The following LRRC69 variants were observed in gnomAD, a reference collection of about 807,000 sequenced individuals.
LRRC69 encodes the protein leucine-rich repeat-containing protein 69.
LRRC69 carries 42 observed loss-of-function variants against 37.8 expected under a neutral mutation model. The ratio of observed to expected loss-of-function variants is 1.11; its 90% CI spans 0.87 to 1.44. The LOEUF is 1.44. Among genes scored for constraint, LRRC69 ranks in the 40% most tolerant of loss-of-function variants. The probability of loss-of-function intolerance (pLI) is 0.00; values close to 1 mark genes in which losing one functional copy is unlikely to be tolerated. For synonymous variants in LRRC69, 141 were observed against 143.1 expected, an observed-to-expected ratio of 0.99 and a Z score of 0.11; for missense variants, 357 against 401.9, an observed-to-expected ratio of 0.89 and a Z score of 0.96.
At chr8:91,150,020 T>C (rs930302729) in intron 5 of LRRC69, among the ~76,000 whole-genome samples, 10 of 152,024 alleles carry the variant, frequency 6.6e-5, no homozygotes, top group Admixed American at 2.6e-4. Context: ...TATAATCATG[T>C]CATCTGCAAA....
chr8:91,132,972 G>A lies in LRRC69; in HGVS notation c.384-138G>A, dbSNP rs576931849. On this transcript the variant is annotated intron_variant, in intron 3 of 7. Coordinates refer to ENST00000448384, the Ensembl canonical transcript of LRRC69. ...TTTTATACTCATGATCACAATAGTTGTAAACACTTGACTGAAGTAAGCTCA... is the reference window on the plus strand; with the variant it reads ...TTTTATACTCATGATCACAATAGTTATAAACACTTGACTGAAGTAAGCTCA... 113 of 539,480 alleles carry A rather than the reference G, an allele frequency of 2.1e-4. No homozygotes were observed. The African/African-American group carries it at 2.1e-3, about 10-fold the overall frequency. The allele number at this position is 539,480 out of a possible 1,614,324, so 33.4% of individuals were successfully genotyped here.
rs865881051 is a variant in LRRC69, at chr8:91,157,331, A to G, written c.651+21592A>G. ...GTGGCACCCACAGAAACATTCACCT[A>G]TGAATGGACTGTCCCCAAAGAAGTA... On this transcript the variant is annotated intron_variant, in intron 5 of 7. Coordinates refer to ENST00000448384, the Ensembl canonical transcript of LRRC69. The G allele has an allele frequency of 1.4e-5, 22 of 1,608,472 alleles. No homozygotes were observed. The African/African-American group carries it at 2.1e-4, about 16-fold the overall frequency.
At chr8:91,192,725 C>A (rs1809521946) in intron 6 of LRRC69, among the ~76,000 whole-genome samples, 1 of 151,696 alleles carries the variant, frequency 6.6e-6, no homozygotes, top group African/African-American at 2.4e-5. Flanking sequence ...TGTTTGAGTT[C>A]TTTGTAGATT....
chr8:91,147,277 A>T (rs75360169), intron 5 of LRRC69, among the ~76,000 whole-genome samples: 1 of 130,924 alleles, frequency 7.6e-6, no homozygotes. Context: ...AACATATATT[A>T]TATATAAACA....
intron 5 of LRRC69, among the ~76,000 whole-genome samples, chr8:91,150,510 C>CGTCAA (rs1416628337): frequency 6.6e-6 from 1 of 151,874 alleles, no homozygotes; most frequent in African/African-American, 2.4e-5. Context: ...AGGATTTTTG[C>CGTCAA]GTCAATGTTC....
At chr8:91,158,744 G>A (rs1488678223) in intron 5 of LRRC69, 3 of 913,622 alleles carry the variant, frequency 3.3e-6, no homozygotes, top group South Asian at 1.3e-5. Flanking sequence ...AAGACACCAA[G>A]TCTGGCTGAA....
intron 7 of LRRC69, among the ~76,000 whole-genome samples, chr8:91,217,944 G>A (rs1487570436): frequency 1.3e-5 from 2 of 152,140 alleles, no homozygotes; most frequent in African/African-American, 4.8e-5. Flanking sequence ...AAGGGGATGT[G>A]ACTTATGACT....
intron 3 of LRRC69, among the ~76,000 whole-genome samples, chr8:91,131,476 C>G (rs1398497708): frequency 6.6e-6 from 1 of 151,858 alleles, no homozygotes; most frequent in Non-Finnish European, 1.5e-5. Flanking sequence ...CAATATTTTG[C>G]TTTTCTATAC....
intron 5 of LRRC69, among the ~76,000 whole-genome samples, chr8:91,158,954 ATGAC>A (rs1029316343): frequency 6.6e-6 from 1 of 151,252 alleles, no homozygotes; most frequent in African/African-American, 2.4e-5. Flanking sequence ...ATAATGATAC[ATGAC>A]TGACACTTGT....
At chr8:91,199,163 C>T (rs1809671408) in intron 6 of LRRC69, among the ~76,000 whole-genome samples, 1 of 152,156 alleles carries the variant, frequency 6.6e-6, no homozygotes, top group Non-Finnish European at 1.5e-5. Flanking sequence ...CCATTGAATT[C>T]GTGTAGCTAA....
At chr8:91,201,320 T>C (rs1809707904) in intron 7 of LRRC69, among the ~76,000 whole-genome samples, 1 of 152,204 alleles carries the variant, frequency 6.6e-6, no homozygotes, top group Non-Finnish European at 1.5e-5. Context: ...CCTTTTTCTC[T>C]AAGCGGCCAG....
At chr8:91,177,454 A>T (rs1371321099) in intron 5 of LRRC69, among the ~76,000 whole-genome samples, 1 of 152,198 alleles carries the variant, frequency 6.6e-6, no homozygotes, top group Non-Finnish European at 1.5e-5. Flanking sequence ...GATAAGCATC[A>T]ACTATATATA....
chr8:91,169,602 T>A (rs1370188283), intron 5 of LRRC69, among the ~76,000 whole-genome samples: 1 of 149,766 alleles, frequency 6.7e-6, no homozygotes, highest in Non-Finnish European at 1.5e-5. Context: ...ACATGTGCCA[T>A]GCTGGTGCGC....
intron 1 of LRRC69, 77 bp downstream of exon 1, chr8:91,102,921 C>G: frequency 7.5e-7 from 1 of 1,333,334 alleles, no homozygotes; most frequent in Non-Finnish European, 1.0e-6. Context: ...GGGTAAGAGA[C>G]AGAACAATAA....
At chr8:91,182,172 A>T (rs1306687718) in intron 5 of LRRC69, among the ~76,000 whole-genome samples, 1 of 152,160 alleles carries the variant, frequency 6.6e-6, no homozygotes, top group East Asian at 1.9e-4. Context: ...AATTACAACT[A>T]TACAACCCAT....
At chr8:91,176,023 G>A (rs1252965051) in intron 5 of LRRC69, among the ~76,000 whole-genome samples, 1 of 149,344 alleles carries the variant, frequency 6.7e-6, no homozygotes, top group Admixed American at 6.7e-5. Context: ...TTTATTTCAT[G>A]GCATCCTCTA....
At chr8:91,111,439 C>T (rs748952698) in intron 1 of LRRC69, among the ~76,000 whole-genome samples, 7 of 151,978 alleles carry the variant, frequency 4.6e-5, no homozygotes, top group South Asian at 2.1e-4. Context: ...GAGGCTGAGG[C>T]GGGAGAATCG....
At chr8:91,180,823 G>A (rs1225649893) in intron 5 of LRRC69, among the ~76,000 whole-genome samples, 1 of 152,144 alleles carries the variant, frequency 6.6e-6, no homozygotes, top group Non-Finnish European at 1.5e-5. Context: ...GATGTCTTAG[G>A]TATTCATAAG....
At chr8:91,102,633 A>T (rs1294458303), upstream of LRRC69, 1 of 1,522,700 alleles carries the variant, frequency 6.6e-7, no homozygotes, top group African/African-American at 1.4e-5. Context: ...TCTAATGGTT[A>T]CCTTGTTTTC....
Sources: gnomAD v4.1 joint callset for allele counts (sites outside exome capture counted in the v4.1 genomes callset) on GRCh38, gnomAD v4.1.1 for gene constraint, MANE v1.5 for transcripts, NCBI Gene and HGNC (gene_info 2026-07-23, HGNC 2026-07-21) for gene names.